RBFOX1: variants seen among roughly 807,000 people sequenced by gnomAD.
The protein encoded by RBFOX1 is RNA binding protein fox-1 homolog 1.
A neutral mutation model predicts 57.7 loss-of-function variants in RBFOX1; 8 were observed. The ratio of observed to expected loss-of-function variants is 0.14; its 90% confidence interval spans 0.08 to 0.25. The LOEUF (loss-of-function observed/expected upper bound fraction) is 0.25, where lower values mean the gene tolerates loss of function less well. Ranked by LOEUF, RBFOX1 falls within the 10% of genes least tolerant of loss-of-function variation. RBFOX1 has a pLI of 1.00. For missense variants in RBFOX1, 611 were observed against 548.5 expected, an observed-to-expected ratio of 1.11 and a Z score of -1.14; for synonymous variants, 326 against 222.4, an observed-to-expected ratio of 1.47 and a Z score of -4.15.
intron 2 of RBFOX1, among the ~76,000 whole-genome samples, chr16:6,626,509 C>T (rs1351700296): frequency 6.6e-6 from 1 of 152,182 alleles, no homozygotes; most frequent in African/African-American, 2.4e-5. Context: ...CCTGTAATCC[C>T]AGCACTTTGG....
chr16:5,539,113 G>A (rs1278030113), intron 2 of RBFOX1, among the ~76,000 whole-genome samples: 2 of 152,092 alleles, frequency 1.3e-5, no homozygotes, highest in African/African-American at 4.8e-5. Flanking sequence ...TCTTTCCGAG[G>A]GCACGTAATT....
chr16:6,816,197 G>T (rs912031106), intron 3 of RBFOX1, among the ~76,000 whole-genome samples: 1 of 152,078 alleles, frequency 6.6e-6, no homozygotes, highest in African/African-American at 2.4e-5. Context: ...TGTAATCCCA[G>T]CTCCTTTGGA....
intron 3 of RBFOX1, among the ~76,000 whole-genome samples, chr16:6,777,966 C>T (rs1249536366): frequency 2.6e-5 from 4 of 152,118 alleles, no homozygotes; most frequent in East Asian, 1.9e-4. Context: ...TGAATGTGAG[C>T]AGCAGAATAA....
At chr16:6,011,570 G>C (rs886376164) in intron 4 of RBFOX1, among the ~76,000 whole-genome samples, 1 of 152,124 alleles carries the variant, frequency 6.6e-6, no homozygotes, top group Non-Finnish European at 1.5e-5. Flanking sequence ...CTTCTCTGTA[G>C]TTAAAGGTCA....
chr16:7,052,591 G>T (rs1041597006), intron 4 of RBFOX1, among the ~76,000 whole-genome samples: 1 of 152,070 alleles, frequency 6.6e-6, no homozygotes, highest in African/African-American at 2.4e-5. Context: ...ATATGGGAGA[G>T]GGAGACAAAA....
At chr16:7,080,830 C>G (rs1017410269) in intron 4 of RBFOX1, among the ~76,000 whole-genome samples, 9 of 152,206 alleles carry the variant, frequency 5.9e-5, no homozygotes, top group Non-Finnish European at 1.3e-4. Context: ...TTCGCTGTCA[C>G]TTTGCCTCAA....
At chr16:6,169,160 A>G (rs1009279294) in intron 1 of RBFOX1, among the ~76,000 whole-genome samples, 11 of 152,172 alleles carry the variant, frequency 7.2e-5, no homozygotes, top group African/African-American at 2.2e-4. Flanking sequence ...GGGTCATTGG[A>G]GTAAAGCAAA....
rs144425492 is a variant in RBFOX1 at position 7,581,814 on chromosome 16, G to T, written c.414+1894G>T. 1.5e-3 allele frequency among the ~76,000 whole-genome samples: 228 copies of T among 152,116 alleles called. 3 individuals carry two copies. The Middle Eastern group carries it at 0.034, about 23-fold the overall frequency. On this transcript the variant is annotated intron_variant, in intron 6 of 15. Coordinates refer to ENST00000550418, the MANE Select transcript of RBFOX1 (RefSeq NM_018723.4). ...TCACTGCAAATTCTTGGGCTCAAGGGATCCTCCCACCTCAGCCTCCCAAGT... is the reference window on the plus strand; with the variant it reads ...TCACTGCAAATTCTTGGGCTCAAGGTATCCTCCCACCTCAGCCTCCCAAGT...
At chr16:6,475,272 T>C (rs2095255322) in intron 2 of RBFOX1, among the ~76,000 whole-genome samples, 1 of 152,224 alleles carries the variant, frequency 6.6e-6, no homozygotes, top group Non-Finnish European at 1.5e-5. Context: ...ATTAGAAGAA[T>C]ATTCCTGTCA....
At chr16:7,301,788 A>T (rs1568106349) in intron 4 of RBFOX1, among the ~76,000 whole-genome samples, 2 of 152,198 alleles carry the variant, frequency 1.3e-5, no homozygotes, top group African/African-American at 4.8e-5. Flanking sequence ...TCCGTACAGC[A>T]GATTGCTTGA....
At position 5,424,921 on chromosome 16, in the gene RBFOX1, TTCTTTCTTTC is replaced by T. The variant is rs1402834956; in HGVS notation, c.220-42293_220-42284del. ...TTTCTTTCTTTCTTTCTTTCTTTCT[TTCTTTCTTTC>T]TTTCTCTCTCTTCTTTCTTCCTTTG... On this transcript the variant is annotated intron_variant, in intron 1 of 2. Coordinates refer to the RBFOX1 transcript ENST00000585867. Among the ~76,000 whole-genome samples, 20 of 103,984 alleles carry T rather than the reference TTCTTTCTTTC, an allele frequency of 1.9e-4. 1 individual carries two copies. In the Admixed American group the frequency reaches 2.0e-3, roughly 10 times the overall value. The allele number at this position is 103,984 out of a possible 152,430, so 68.2% of individuals were successfully genotyped here.
Position 6,940,441 on chromosome 16 carries a change from C to T in RBFOX1, c.-15-111616C>T, listed in dbSNP as rs113263221. Among the ~76,000 whole-genome samples the T allele has an allele frequency of 7.7e-4, 118 of 152,276 alleles. 1 individual carries two copies. The highest frequency in any genetic ancestry group is 2.6e-3 in the African/African-American group (109 of 41,562). ...GCTCCTTTAATCTTCTCTCTGTCCA[C>T]ACAGCAAAAACTGACGAGTGAGTGA... On this transcript the variant is annotated intron_variant, in intron 3 of 15. Transcript: ENST00000550418.
At chr16:6,417,713 A>C (rs1470956826) in intron 2 of RBFOX1, among the ~76,000 whole-genome samples, 1 of 151,770 alleles carries the variant, frequency 6.6e-6, no homozygotes, top group Non-Finnish European at 1.5e-5. Flanking sequence ...TTTTTAAAAA[A>C]AAAAAAAATT....
At chr16:5,665,131 TG>T (rs141383358) in intron 3 of RBFOX1, among the ~76,000 whole-genome samples, 2 of 98,294 alleles carry the variant, frequency 2.0e-5, no homozygotes, top group African/African-American at 4.2e-5. Flanking sequence ...TATTTTTACA[TG>T]GGGGGGGGCG....
At chr16:5,259,835 C>T (rs1184362932) in intron 1 of RBFOX1, among the ~76,000 whole-genome samples, 1 of 152,140 alleles carries the variant, frequency 6.6e-6, no homozygotes, top group Non-Finnish European at 1.5e-5. Flanking sequence ...CTCAAGTTTT[C>T]ACTCCTGTTT....
chr16:7,557,487 G>A (rs1015867525), intron 5 of RBFOX1, among the ~76,000 whole-genome samples: 1 of 151,594 alleles, frequency 6.6e-6, no homozygotes, highest in Non-Finnish European at 1.5e-5. Flanking sequence ...AGGCATGGTG[G>A]TGGGTGCCTG....
intron 3 of RBFOX1, among the ~76,000 whole-genome samples, chr16:7,044,510 G>C (rs965757551): frequency 3.3e-5 from 5 of 152,178 alleles, no homozygotes; most frequent in Non-Finnish European, 7.3e-5. Context: ...GTTCAACCGG[G>C]AGAGCAAAGG....
chr16:6,512,039 G>A (rs892346572), intron 2 of RBFOX1, among the ~76,000 whole-genome samples: 4 of 151,876 alleles, frequency 2.6e-5, no homozygotes, highest in African/African-American at 7.3e-5. Context: ...GAGAGGCCAA[G>A]GCAGGAGGAT....
At chr16:5,321,728 C>G (rs2064414226) in intron 1 of RBFOX1, among the ~76,000 whole-genome samples, 1 of 152,130 alleles carries the variant, frequency 6.6e-6, no homozygotes, top group South Asian at 2.1e-4. Flanking sequence ...CCTGGGGCTA[C>G]TGGTGGTGGT....
Sources: gnomAD v4.1 joint callset for allele counts (sites outside exome capture counted in the v4.1 genomes callset) on GRCh38, gnomAD v4.1.1 for gene constraint, MANE v1.5 for transcripts, NCBI Gene and HGNC (gene_info 2026-07-23, HGNC 2026-07-21) for gene names.